Variants in CCDC13 observed in about 807,000 individuals in gnomAD.
CCDC13 encodes coiled-coil domain containing 13.
In CCDC13, 70 loss-of-function variants were observed where a neutral mutation model predicts 87.3. The observed-to-expected ratio is 0.80, with a 90% CI of 0.66 to 0.98. The LOEUF (loss-of-function observed/expected upper bound fraction) is 0.98. Ranked by LOEUF, CCDC13 falls within the 50% of genes least tolerant of loss-of-function variation. CCDC13 has a pLI of 0.00. For missense variants in CCDC13, 842 were observed against 892.0 expected, an observed-to-expected ratio of 0.94 and a Z score of 0.71; for synonymous variants, 317 against 360.3, an observed-to-expected ratio of 0.88 and a Z score of 1.36.
At chr3:42,722,791 CTTTTTTTTT>C (rs956889825) in intron 13 of CCDC13, among the ~76,000 whole-genome samples, 1 of 109,098 alleles carries the variant, frequency 9.2e-6, no homozygotes, top group East Asian at 2.6e-4. Context: ...TATTCCTTTA[CTTTTTTTTT>C]TTTTTTTTTT....
intron 14 of CCDC13, among the ~76,000 whole-genome samples, chr3:42,710,767 T>A (rs1220726482): frequency 6.6e-6 from 1 of 152,220 alleles, no homozygotes; most frequent in Non-Finnish European, 1.5e-5. Context: ...AGAGTGGCTC[T>A]GCCCTCTACA....
chr3:42,769,139 A>G (rs1343867381), intron 1 of CCDC13, among the ~76,000 whole-genome samples: 1 of 152,214 alleles, frequency 6.6e-6, no homozygotes, highest in Non-Finnish European at 1.5e-5. Flanking sequence ...ACGCCGTTTC[A>G]AAAAAAGAAA....
chr3:42,751,997 G>T lies in CCDC13; in HGVS notation c.542C>A (p.Ala181Asp). The stretch of plus-strand genomic sequence containing the variant: ...GGCTCCTGCGTCGGTGGCCCCCTTG[G>T]CTGACAGCCTGGTCAGGGCTGTCTG... ...ELQTALTRLS[A>D]KGATDAGAKP... is the part of the protein sequence containing the mutation. The change falls in exon 5 of 16, where the codon GCC becomes GAC. Residue 181 changes from alanine to aspartate, a missense_variant. Coordinates refer to ENST00000310232, the MANE Select transcript of CCDC13 (RefSeq NM_144719.4). The T allele has an allele frequency of 6.2e-7, 1 of 1,609,066 alleles. No homozygotes were observed. Among genetic ancestry groups the T allele is most frequent in the South Asian group, 1.1e-5 (1 of 91,084 alleles).
Position 42,709,808 on chromosome 3 carries a change from A to G in CCDC13, c.1874-10T>C. The G allele has an allele frequency of 6.2e-7, 1 of 1,606,926 alleles. No individual in the cohort carries two copies. The highest frequency in any genetic ancestry group is 8.5e-7 in the Non-Finnish European group (1 of 1,173,528). Reference sequence around the variant, plus strand: ...TTAGAGGTGGGCAGACCTGTGGGGCAGCAGCAACCACTTTCTGTGAGGAGG... The same window carrying G: ...TTAGAGGTGGGCAGACCTGTGGGGCGGCAGCAACCACTTTCTGTGAGGAGG... On this transcript the variant is annotated splice_polypyrimidine_tract_variant and intron_variant, in intron 14 of 15. Transcript: ENST00000310232.
intron 13 of CCDC13, among the ~76,000 whole-genome samples, chr3:42,715,720 C>T (rs1183997187): frequency 1.3e-5 from 2 of 152,206 alleles, no homozygotes; most frequent in Non-Finnish European, 2.9e-5. Flanking sequence ...AGTGCAGATA[C>T]TGAACAACTC....
Position 42,713,157 on chromosome 3 carries a change from C to T in CCDC13, c.1873+5G>A, listed in dbSNP as rs772177626. The T allele has an allele frequency of 1.9e-6, 3 of 1,613,374 alleles. No homozygotes were observed. Among genetic ancestry groups the T allele is most frequent in the East Asian group, 2.2e-5 (1 of 44,882 alleles). On this transcript the variant is annotated splice_donor_5th_base_variant and intron_variant, in intron 14 of 15. Coordinates refer to ENST00000310232, the MANE Select transcript of CCDC13 (RefSeq NM_144719.4). ...CTGCACTGAGACTACTGCCCTGGCC[C>T]CTACCTGTTTTGGTCCTGGGAGCTG...
intron 1 of CCDC13, among the ~76,000 whole-genome samples, chr3:42,772,136 G>C (rs1700131441): frequency 6.6e-6 from 1 of 151,812 alleles, no homozygotes; most frequent in Non-Finnish European, 1.5e-5. Context: ...GCCAGGCATG[G>C]TGGCGGGCGC....
rs751708925 is a variant in CCDC13 at position 42,739,654 on chromosome 3, C to T, written c.1144G>A (p.Glu382Lys). ...TLVEKGRHDD[E>K]LIDALMDQLK... is the part of the protein sequence containing the mutation. The stretch of plus-strand genomic sequence containing the variant: ...CATACCATGAGGGCGTCGATGAGCT[C>T]GTCATCATGCCGGCCCTTCTCCACC... The change falls in exon 9 of 16, where the codon GAG becomes AAG. Residue 382 changes from glutamate to lysine, a missense_variant. Transcript: ENST00000310232. 10 of 1,613,974 alleles carry T rather than the reference C, an allele frequency of 6.2e-6. No homozygotes were observed. Among genetic ancestry groups the T allele is most frequent in the South Asian group, 5.5e-5 (5 of 91,082 alleles).
intron 13 of CCDC13, chr3:42,719,136 T>G (rs999849642): frequency 1.3e-5 from 2 of 152,272 alleles, no homozygotes; most frequent in Non-Finnish European, 2.9e-5. Context: ...CTCTTTGGAT[T>G]AATCTGTCTT....
intron 1 of CCDC13, among the ~76,000 whole-genome samples, chr3:42,768,696 AT>A (rs1292824713): frequency 5.8e-3 from 76 of 13,072 alleles, no homozygotes; most frequent in South Asian, 0.042. Flanking sequence ...GACTCAAAAA[AT>A]AAAAAAAAAT....
chr3:42,746,080 CCT>C, intron 6 of CCDC13, 53 bp from the exon 7 acceptor site: 1 of 1,266,504 alleles, frequency 7.9e-7, no homozygotes, highest in African/African-American at 1.5e-5. Context: ...TCCACCAGAC[CCT>C]GATGCTGCTA....
chr3:42,754,409 C>T (rs141623765), intron 3 of CCDC13, among the ~76,000 whole-genome samples: 63 of 152,252 alleles, frequency 4.1e-4, no homozygotes, highest in African/African-American at 1.4e-3. Context: ...AGATGGCACA[C>T]TTTGCTCCCT....
chr3:42,747,316 T>A lies in CCDC13; in HGVS notation c.661A>T (p.Met221Leu), dbSNP rs573869585. Reference sequence around the variant, plus strand: ...TGGATCTGGTTTCGGAGGTCACTCATCTTCAAGTTGGTGGCCACCAGCCTG... The same window carrying A: ...TGGATCTGGTTTCGGAGGTCACTCAACTTCAAGTTGGTGGCCACCAGCCTG... ...QDRLVATNLKMSDLRNQIQSV... is the reference protein window; with the variant it reads ...QDRLVATNLKLSDLRNQIQSV... The change falls in exon 6 of 16, where the codon ATG becomes TTG. Residue 221 changes from methionine to leucine, a missense_variant. Met to Leu is a conservative substitution (Grantham distance 15). Coordinates refer to ENST00000310232, the MANE Select transcript of CCDC13 (RefSeq NM_144719.4). 6.2e-7 allele frequency: 1 copy of A among 1,614,136 alleles called. No homozygotes were observed. The highest frequency in any genetic ancestry group is 8.5e-7 in the Non-Finnish European group (1 of 1,180,014).
intron 1 of CCDC13, among the ~76,000 whole-genome samples, chr3:42,764,163 A>G (rs2125913358): frequency 6.6e-6 from 1 of 152,322 alleles, no homozygotes. Flanking sequence ...TTCAGAGAGA[A>G]TAGATTGTAA....
chr3:42,729,997 C>A (rs987804087), intron 13 of CCDC13, among the ~76,000 whole-genome samples: 1 of 152,186 alleles, frequency 6.6e-6, no homozygotes, highest in Non-Finnish European at 1.5e-5. Context: ...GAAAACCATA[C>A]CTCCTGGTCC....
At position 42,742,896 on chromosome 3, in the gene CCDC13, C is replaced by A; in HGVS notation, c.987G>T (p.Glu329Asp). 3 of 1,614,078 alleles carry A rather than the reference C, an allele frequency of 1.9e-6. No individual in the cohort carries two copies. The highest frequency in any genetic ancestry group is 2.5e-6 in the Non-Finnish European group (3 of 1,179,958). ...GCTGACCTCCTCAGGCACGCGTTACCTCCAAGCCTTCCTGTTTTTCCCTTT... is the reference window on the plus strand; with the variant it reads ...GCTGACCTCCTCAGGCACGCGTTACATCCAAGCCTTCCTGTTTTTCCCTTT... ...SLEREKQEGL[E>D]KLASERDVLQ... Residue 329 changes from glutamate to aspartate, a missense_variant and splice_region_variant, in exon 8 of 16, where the codon GAG becomes GAT. By Grantham distance (45) the Glu-to-Asp change is conservative. Transcript: ENST00000310232.
chr3:42,765,086 A>G (rs1015818022), intron 1 of CCDC13, among the ~76,000 whole-genome samples: 4 of 152,196 alleles, frequency 2.6e-5, no homozygotes, highest in Non-Finnish European at 4.4e-5. Context: ...TACTCATTGA[A>G]TGTACACTGT....
intron 1 of CCDC13, among the ~76,000 whole-genome samples, chr3:42,759,617 A>G (rs570247362): frequency 2.0e-4 from 30 of 152,354 alleles, no homozygotes; most frequent in African/African-American, 7.2e-4. Flanking sequence ...GTCATTGCAC[A>G]CATTATAAGC....
rs77099382 is a variant in CCDC13 at position 42,766,648 on chromosome 3, C to T, written c.-7+6528G>A. 6.8e-3 allele frequency among the ~76,000 whole-genome samples: 1,013 copies of T among 147,898 alleles called. 76 individuals carry two copies. In the East Asian group the frequency reaches 0.17, roughly 25 times the overall value. Reference sequence around the variant, plus strand: ...ACAACCAACCAACCAAACAAACAAACTTCCTCTCCAAGAATATTAGCAAAT... The same window carrying T: ...ACAACCAACCAACCAAACAAACAAATTTCCTCTCCAAGAATATTAGCAAAT... On this transcript the variant is annotated intron_variant, in intron 1 of 15. Coordinates refer to ENST00000310232, the MANE Select transcript of CCDC13 (RefSeq NM_144719.4).
Sources: allele counts gnomAD v4.1 joint callset (sites outside exome capture counted in the v4.1 genomes callset), GRCh38; gene constraint gnomAD v4.1.1; transcripts MANE v1.5; gene names NCBI Gene and HGNC (gene_info 2026-07-23, HGNC 2026-07-21).